Variants in TNFSF4 observed in about 807,000 individuals in gnomAD.
The protein encoded by TNFSF4 is tumor necrosis factor ligand superfamily member 4.
TNFSF4 carries 4 observed loss-of-function variants against 7.3 expected under a neutral mutation model. The observed-to-expected ratio is 0.55, with a 90% CI of 0.27 to 1.25. The LOEUF (loss-of-function observed/expected upper bound fraction) is 1.25. Ranked by LOEUF, TNFSF4 falls within the 50% of genes most tolerant of loss-of-function variation. The probability of loss-of-function intolerance (pLI) is 0.12; values close to 1 mark genes in which losing one functional copy is unlikely to be tolerated. For synonymous variants in TNFSF4, 76 were observed against 83.7 expected (o/e 0.91, Z 0.50); for missense variants, 181 against 208.8 (o/e 0.87, Z 0.82).
the TNFSF4 span, among the ~76,000 whole-genome samples, chr1:173,375,260 C>T: frequency 2.0e-5 from 3 of 152,176 alleles, no homozygotes; most frequent in African/African-American, 7.2e-5. Context: ...TACCAAGGAC[C>T]CCTGGACTGA....
the TNFSF4 span, among the ~76,000 whole-genome samples, chr1:173,390,188 T>G: frequency 6.6e-6 from 1 of 152,184 alleles, no homozygotes; most frequent in Non-Finnish European, 1.5e-5. Context: ...AGTACTAGTA[T>G]AGTATTAGCA....
the TNFSF4 span, chr1:173,362,455 T>C: frequency 1.9e-6 from 1 of 513,404 alleles, no homozygotes; most frequent in Non-Finnish European, 3.9e-6. Context: ...TTTTAATTCC[T>C]TCTTCTGCTT....
At chr1:173,235,078 A>AGTGT in the TNFSF4 span, among the ~76,000 whole-genome samples, 1 of 152,172 alleles carries the variant, frequency 6.6e-6, no homozygotes, top group Non-Finnish European at 1.5e-5. Flanking sequence ...CTTTATTTTG[A>AGTGT]GTGTTTTTAT....
chr1:173,232,451 A>G, the TNFSF4 span, among the ~76,000 whole-genome samples: 4 of 145,128 alleles, frequency 2.8e-5, no homozygotes, highest in Non-Finnish European at 6.3e-5. Context: ...CTAATTGAAT[A>G]CCCTTTATTT....
the TNFSF4 span, among the ~76,000 whole-genome samples, chr1:173,400,128 T>G: frequency 6.6e-6 from 1 of 152,254 alleles, no homozygotes. Context: ...CAGCATTTTT[T>G]CTGATCAAAG....
At chr1:173,245,580 T>C in the TNFSF4 span, among the ~76,000 whole-genome samples, 2 of 152,340 alleles carry the variant, frequency 1.3e-5, no homozygotes, top group African/African-American at 4.8e-5. Flanking sequence ...CATATGTTTA[T>C]CATCTATTTG....
At chr1:173,420,682 A>G in the TNFSF4 span, among the ~76,000 whole-genome samples, 1 of 152,360 alleles carries the variant, frequency 6.6e-6, no homozygotes, top group East Asian at 1.9e-4. Context: ...TGGTCAACTT[A>G]GCAAAAACTA....
chr1:173,233,267 G>C, the TNFSF4 span, among the ~76,000 whole-genome samples: 3 of 152,158 alleles, frequency 2.0e-5, no homozygotes, highest in African/African-American at 7.2e-5. Context: ...AGCAAGAAGA[G>C]AAGTTTAGAG....
chr1:173,377,301 G>A, the TNFSF4 span, among the ~76,000 whole-genome samples: 1 of 152,154 alleles, frequency 6.6e-6, no homozygotes, highest in African/African-American at 2.4e-5. Context: ...CAGTTAAAAG[G>A]GACTAGCATG....
At chr1:173,234,398 G>C in the TNFSF4 span, among the ~76,000 whole-genome samples, 1 of 152,150 alleles carries the variant, frequency 6.6e-6, no homozygotes. Context: ...GATTCCTCAA[G>C]GATCTAGAAT....
chr1:173,434,048 G>A, the TNFSF4 span, among the ~76,000 whole-genome samples: 1 of 152,162 alleles, frequency 6.6e-6, no homozygotes, highest in Non-Finnish European at 1.5e-5. Flanking sequence ...AAAGCTAAGG[G>A]AGAAACATGA....
At chr1:173,356,189 C>T in the TNFSF4 span, among the ~76,000 whole-genome samples, 1 of 152,142 alleles carries the variant, frequency 6.6e-6, no homozygotes, top group Non-Finnish European at 1.5e-5. Flanking sequence ...GGGAAGGCAA[C>T]CTATTCCAGG....
At chr1:173,182,857 G>T (rs1571177597), downstream of TNFSF4, among the ~76,000 whole-genome samples, 1 of 152,312 alleles carries the variant, frequency 6.6e-6, no homozygotes, top group East Asian at 1.9e-4. Flanking sequence ...AAGTGCATTT[G>T]CACATTGTGT....
chr1:173,322,418 T>C, the TNFSF4 span, among the ~76,000 whole-genome samples: 1 of 151,958 alleles, frequency 6.6e-6, no homozygotes, highest in Non-Finnish European at 1.5e-5. Context: ...GGAGCCAAGA[T>C]GGCCGAATAG....
At chr1:173,255,135 C>G in the TNFSF4 span, among the ~76,000 whole-genome samples, 2 of 152,164 alleles carry the variant, frequency 1.3e-5, no homozygotes, top group Admixed American at 6.5e-5. Flanking sequence ...AGGCAAAAAC[C>G]TCAACGCTCA....
the TNFSF4 span, among the ~76,000 whole-genome samples, chr1:173,312,919 G>A: frequency 6.6e-6 from 1 of 152,088 alleles, no homozygotes; most frequent in Non-Finnish European, 1.5e-5. Flanking sequence ...CTTTCCTCCA[G>A]ATAAATACTA....
chr1:173,218,067 T>C, the TNFSF4 span, among the ~76,000 whole-genome samples: 5 of 152,252 alleles, frequency 3.3e-5, no homozygotes, highest in South Asian at 1.0e-3. Flanking sequence ...TGAATTACCT[T>C]GTGATATTTG....
At chr1:173,194,504 CAG>C (rs1043140935) in intron 1 of TNFSF4, among the ~76,000 whole-genome samples, 1 of 152,126 alleles carries the variant, frequency 6.6e-6, no homozygotes, top group Non-Finnish European at 1.5e-5. Context: ...CCTTGAAAGA[CAG>C]AGAAGAGCTG....
chr1:173,248,495 A>G, the TNFSF4 span, among the ~76,000 whole-genome samples: 15 of 149,854 alleles, frequency 1.0e-4, no homozygotes, highest in Admixed American at 2.0e-4. Context: ...AAGGAAGGAA[A>G]GAAAGAAAGA....
Sources: allele counts gnomAD v4.1 joint callset (sites outside exome capture counted in the v4.1 genomes callset), GRCh38; gene constraint gnomAD v4.1.1; transcripts MANE v1.5; gene names NCBI Gene and HGNC (gene_info 2026-07-23, HGNC 2026-07-21).